EYS: variants seen among roughly 807,000 people sequenced by gnomAD.
The protein encoded by EYS is EGF-like photoreceptor maintenance factor.
EYS carries 250 observed loss-of-function variants against 282.1 expected under a neutral mutation model. That is an observed-to-expected ratio of 0.89 (90% confidence interval 0.80 to 0.98). EYS has a LOEUF of 0.98. EYS is among the 50% of genes least tolerant of loss of function. EYS has a pLI of 0.00. For synonymous variants in EYS, 1,355 were observed against 1,282.9 expected (o/e 1.06, Z -1.20); for missense variants, 4,016 against 3,709.0 (o/e 1.08, Z -2.15).
In EYS at chr6:65,338,713, T is replaced by G. The variant is rs536602648; in HGVS notation, c.1600-3567A>C. Among the ~76,000 whole-genome samples, 12 of 151,276 alleles carry G rather than the reference T, an allele frequency of 7.9e-5. No homozygotes were observed. In the South Asian group the frequency reaches 2.3e-3, roughly 29 times the overall value. ...AAGGAATGCAATAAAATCATGATTT[T>G]GGGCAGTGGAAGATCTTTTCTTCCC... On this transcript the variant is annotated intron_variant, in intron 10 of 42. Coordinates refer to ENST00000503581, the MANE Select transcript of EYS (RefSeq NM_001142800.2).
chr6:64,904,338 C>T (rs1767760226), intron 16 of EYS, among the ~76,000 whole-genome samples: 1 of 152,130 alleles, frequency 6.6e-6, no homozygotes, highest in Non-Finnish European at 1.5e-5. Flanking sequence ...GGTGTTGTAT[C>T]CTCAGCTTTA....
intron 13 of EYS, among the ~76,000 whole-genome samples, chr6:65,005,885 C>T (rs568426571): frequency 6.6e-6 from 1 of 152,230 alleles, no homozygotes; most frequent in Non-Finnish European, 1.5e-5. Flanking sequence ...TGACCCACAC[C>T]TCCTGGGTCC....
chr6:64,180,346 T>C (rs1351218692), intron 31 of EYS, among the ~76,000 whole-genome samples: 1 of 152,168 alleles, frequency 6.6e-6, no homozygotes, highest in Non-Finnish European at 1.5e-5. Context: ...CCAAAGTTAT[T>C]ACTTTATTCA....
intron 12 of EYS, among the ~76,000 whole-genome samples, chr6:65,188,642 A>T (rs1433422351): frequency 6.6e-6 from 1 of 151,560 alleles, no homozygotes; most frequent in Admixed American, 6.6e-5. Context: ...TTTAAAATAC[A>T]GATATTATTC....
At chr6:64,291,559 A>G (rs921250469) in intron 30 of EYS, among the ~76,000 whole-genome samples, 3 of 152,118 alleles carry the variant, frequency 2.0e-5, no homozygotes, top group African/African-American at 7.2e-5. Flanking sequence ...AAAGACAGGA[A>G]TAGAACATTG....
intron 22 of EYS, among the ~76,000 whole-genome samples, chr6:64,687,551 T>C (rs1274916513): frequency 2.0e-5 from 3 of 152,222 alleles, no homozygotes; most frequent in Admixed American, 2.0e-4. Flanking sequence ...GAACCAGCCT[T>C]ACATCCCAGG....
At chr6:65,277,809 G>A (rs1417705516) in intron 12 of EYS, among the ~76,000 whole-genome samples, 4 of 152,140 alleles carry the variant, frequency 2.6e-5, no homozygotes, top group Admixed American at 1.3e-4. Context: ...TTCAGACCTA[G>A]CTATTGTCTT....
chr6:65,231,085 GTA>G (rs1242273414), intron 12 of EYS, among the ~76,000 whole-genome samples: 283 of 91,526 alleles, frequency 3.1e-3, no homozygotes, highest in Non-Finnish European at 4.0e-3. Flanking sequence ...ATATATATGT[GTA>G]TATATATATA....
intron 16 of EYS, among the ~76,000 whole-genome samples, chr6:64,907,083 T>A (rs1767852347): frequency 6.6e-6 from 1 of 152,162 alleles, no homozygotes; most frequent in Non-Finnish European, 1.5e-5. Flanking sequence ...GACAAGGTCC[T>A]GCTCTGTTGC....
chr6:65,064,328 G>A (rs1246778614), intron 12 of EYS, among the ~76,000 whole-genome samples: 2 of 140,582 alleles, frequency 1.4e-5, no homozygotes, highest in African/African-American at 5.2e-5. Context: ...ATTGTCCTAA[G>A]TCCTGAATTT....
intron 14 of EYS, among the ~76,000 whole-genome samples, chr6:64,947,632 G>T (rs1489649972): frequency 6.8e-6 from 1 of 146,220 alleles, no homozygotes; most frequent in Non-Finnish European, 1.5e-5. Context: ...GTTTTCATTG[G>T]TTGCGTTTGG....
At chr6:64,755,807 G>T (rs990116055) in intron 22 of EYS, among the ~76,000 whole-genome samples, 1 of 152,024 alleles carries the variant, frequency 6.6e-6, no homozygotes, top group African/African-American at 2.4e-5. Flanking sequence ...ACACTATTCA[G>T]ATGATTATTA....
At position 64,676,046 on chromosome 6, in the gene EYS, C is replaced by T. The variant is rs544373281; in HGVS notation, c.3444-49801G>A. Among the ~76,000 whole-genome samples the T allele has an allele frequency of 3.4e-5, 5 of 145,064 alleles. No homozygotes were observed. In the South Asian group the frequency reaches 8.8e-4, roughly 26 times the overall value. ...GATAGATATATATAGATATACATATCTATATATATGGATAGATCTATATAT... is the reference window on the plus strand; with the variant it reads ...GATAGATATATATAGATATACATATTTATATATATGGATAGATCTATATAT... On this transcript the variant is annotated intron_variant, in intron 22 of 42. Coordinates refer to ENST00000503581, the MANE Select transcript of EYS (RefSeq NM_001142800.2).
intron 13 of EYS, among the ~76,000 whole-genome samples, chr6:65,007,710 G>C (rs1236720682): frequency 2.0e-5 from 3 of 151,986 alleles, no homozygotes; most frequent in Non-Finnish European, 4.4e-5. Context: ...ATTAACCAAA[G>C]AGTGCCAATG....
intron 26 of EYS, among the ~76,000 whole-genome samples, chr6:64,485,438 GGACT>G (rs757512632): frequency 6.6e-6 from 1 of 151,490 alleles, no homozygotes; most frequent in Non-Finnish European, 1.5e-5. Flanking sequence ...ATGTGACAGT[GGACT>G]GACTATGTAT....
intron 12 of EYS, among the ~76,000 whole-genome samples, chr6:65,118,827 T>C (rs1356783666): frequency 6.6e-6 from 1 of 151,778 alleles, no homozygotes; most frequent in Non-Finnish European, 1.5e-5. Flanking sequence ...GTGACCAGTT[T>C]GAAGGATGTT....
intron 39 of EYS, chr6:63,787,367 T>C (rs149375328): frequency 6.6e-6 from 1 of 152,366 alleles, no homozygotes; most frequent in East Asian, 1.9e-4. Context: ...CTCTTGCCTT[T>C]TGAACTTCAA....
chr6:65,598,548 C>T (rs1039802139), intron 2 of EYS, among the ~76,000 whole-genome samples: 1 of 152,046 alleles, frequency 6.6e-6, no homozygotes, highest in Non-Finnish European at 1.5e-5. Context: ...GATAGCTCAC[C>T]AAAAACATAA....
chr6:65,201,230 A>AAAAAATATCACTGCTGGCTGCAG (rs1554166310), intron 12 of EYS, among the ~76,000 whole-genome samples: 2 of 131,490 alleles, frequency 1.5e-5, no homozygotes, highest in African/African-American at 6.1e-5. Flanking sequence ...CTGGCTGCAG[A>AAAAAATATCACTGCTGGCTGCAG]AAAAAATATC....
Sources: gnomAD v4.1 joint callset for allele counts (sites outside exome capture counted in the v4.1 genomes callset) on GRCh38, gnomAD v4.1.1 for gene constraint, MANE v1.5 for transcripts, NCBI Gene and HGNC (gene_info 2026-07-23, HGNC 2026-07-21) for gene names.